The following NOX4 variants were observed in gnomAD, a reference collection of about 807,000 sequenced individuals.
NOX4 encodes NADPH oxidase 4.
A neutral mutation model predicts 87.6 loss-of-function variants in NOX4; 69 were observed. That is an observed-to-expected ratio of 0.79 (90% CI 0.65 to 0.96). The LOEUF is 0.96. NOX4 is among the 40% of genes least tolerant of loss of function. The pLI, the probability that NOX4 is intolerant of heterozygous loss-of-function variation, is 0.00. For missense variants in NOX4, 680 were observed against 681.5 expected, an observed-to-expected ratio of 1.00 and a Z score of 0.02; for synonymous variants, 275 against 238.2, an observed-to-expected ratio of 1.15 and a Z score of -1.42.
intron 8 of NOX4, among the ~76,000 whole-genome samples, chr11:89,417,209 C>A (rs1348742720): frequency 6.6e-6 from 1 of 152,134 alleles, no homozygotes; most frequent in Non-Finnish European, 1.5e-5. Flanking sequence ...GGGTTGGGCT[C>A]TTAAGCAGAG....
chr11:89,427,743 T>C (rs946525739), intron 7 of NOX4, among the ~76,000 whole-genome samples: 4 of 152,172 alleles, frequency 2.6e-5, no homozygotes, highest in African/African-American at 4.8e-5. Context: ...CTACGTCTGA[T>C]TGGCGTACCT....
At chr11:89,589,361 A>C in the NOX4 span, 1 of 152,308 alleles carries the variant, frequency 6.6e-6, no homozygotes, top group African/African-American at 2.4e-5. Context: ...GGGCTGATCC[A>C]ATGATTGTTT....
At chr11:89,462,084 G>A (rs888550760) in intron 2 of NOX4, among the ~76,000 whole-genome samples, 2 of 151,756 alleles carry the variant, frequency 1.3e-5, no homozygotes, top group Non-Finnish European at 2.9e-5. Flanking sequence ...ATAAAATGGC[G>A]ACAGATATTT....
chr11:89,438,957 A>AAT (rs1944331166), intron 6 of NOX4, among the ~76,000 whole-genome samples: 1 of 88,736 alleles, frequency 1.1e-5, no homozygotes, highest in African/African-American at 4.1e-5. Flanking sequence ...TTTTATATAT[A>AAT]ATAATATATA....
At chr11:89,348,357 G>T (rs542965405) in intron 13 of NOX4, among the ~76,000 whole-genome samples, 1 of 152,172 alleles carries the variant, frequency 6.6e-6, no homozygotes, top group South Asian at 2.1e-4. Context: ...AGAAGCTGCA[G>T]TGAGCAGAGA....
At chr11:89,332,600 G>A (rs981784463) in intron 17 of NOX4, among the ~76,000 whole-genome samples, 1 of 151,832 alleles carries the variant, frequency 6.6e-6, no homozygotes, top group Non-Finnish European at 1.5e-5. Flanking sequence ...TTCTGCTACA[G>A]CATTCATAGT....
intron 5 of NOX4, among the ~76,000 whole-genome samples, chr11:89,441,204 T>G (rs994344198): frequency 1.3e-5 from 2 of 152,226 alleles, no homozygotes; most frequent in African/African-American, 4.8e-5. Flanking sequence ...TTTCTGTGTT[T>G]CAAATATAGT....
chr11:89,373,014 T>C (rs749595310), intron 12 of NOX4, among the ~76,000 whole-genome samples: 5 of 151,870 alleles, frequency 3.3e-5, no homozygotes, highest in Admixed American at 6.6e-5. Context: ...TTGCCCTATA[T>C]ACTGGAACAC....
chr11:89,557,970 T>A, the NOX4 span, among the ~76,000 whole-genome samples: 1 of 152,012 alleles, frequency 6.6e-6, no homozygotes, highest in Non-Finnish European at 1.5e-5. Flanking sequence ...AACTGACATT[T>A]GTGACAGGGT....
chr11:89,525,074 T>A, the NOX4 span, among the ~76,000 whole-genome samples: 1 of 152,212 alleles, frequency 6.6e-6, no homozygotes, highest in African/African-American at 2.4e-5. Flanking sequence ...ATATAATGCA[T>A]GATTAAAATT....
intron 5 of NOX4, among the ~76,000 whole-genome samples, chr11:89,441,144 T>C (rs1276859258): frequency 6.6e-6 from 1 of 152,184 alleles, no homozygotes; most frequent in Non-Finnish European, 1.5e-5. Context: ...ATAAAATATG[T>C]AGGGGATTTG....
chr11:89,565,530 G>A, the NOX4 span, among the ~76,000 whole-genome samples: 1 of 151,910 alleles, frequency 6.6e-6, no homozygotes, highest in Non-Finnish European at 1.5e-5. Flanking sequence ...ATTTGAAAGG[G>A]AAATAATATT....
intron 17 of NOX4, among the ~76,000 whole-genome samples, chr11:89,329,730 T>A (rs1945391812): frequency 6.6e-6 from 1 of 152,198 alleles, no homozygotes; most frequent in East Asian, 1.9e-4. Flanking sequence ...TTCAAAGTAC[T>A]AAAATATAAA....
At position 89,444,225 on chromosome 11, in the gene NOX4, A is replaced by T; in HGVS notation, c.357T>A (p.His119Gln). Reference sequence around the variant, plus strand: ...GGGCATTCACCAGATGGGCAGCCACATGCACGCCTACAGAATTACACCAGG... The same window carrying T: ...GGGCATTCACCAGATGGGCAGCCACTTGCACGCCTACAGAATTACACCAGG... Reference protein sequence around the residue: ...GVTICIFSGVHVAAHLVNALN... With the variant: ...GVTICIFSGVQVAAHLVNALN... The change falls in exon 5 of 18, where the codon CAT becomes CAA. Residue 119 changes from histidine to glutamine, a missense_variant. By Grantham distance (24) the His-to-Gln change is conservative. Coordinates refer to ENST00000263317, the MANE Select transcript of NOX4 (RefSeq NM_016931.5). The T allele has an allele frequency of 1.2e-6, 2 of 1,613,364 alleles. No homozygotes were observed. The highest frequency in any genetic ancestry group is 1.7e-6 in the Non-Finnish European group (2 of 1,179,494).
At chr11:89,345,625 A>G (rs893045348) in intron 13 of NOX4, among the ~76,000 whole-genome samples, 1 of 152,076 alleles carries the variant, frequency 6.6e-6, no homozygotes, top group Non-Finnish European at 1.5e-5. Context: ...TATTGTTTCC[A>G]TCTTCATGTC....
At chr11:89,421,839 T>C in intron 8 of NOX4, 63 bp downstream of exon 8, 1 of 962,958 alleles carries the variant, frequency 1.0e-6, no homozygotes. Flanking sequence ...TCCTATAGAG[T>C]TTTCTTTCAT....
intron 2 of NOX4, among the ~76,000 whole-genome samples, chr11:89,472,390 A>C (rs1945984329): frequency 6.6e-6 from 1 of 152,088 alleles, no homozygotes; most frequent in African/African-American, 2.4e-5. Flanking sequence ...CTGTCTCCAA[A>C]AGAAGCTATC....
intron 12 of NOX4, among the ~76,000 whole-genome samples, chr11:89,371,750 C>T (rs1289944260): frequency 4.0e-5 from 6 of 151,664 alleles, no homozygotes; most frequent in Admixed American, 2.6e-4. Flanking sequence ...GTTCATACTC[C>T]ACCAGTGTAT....
At chr11:89,474,802 T>C (rs1167011327) in intron 2 of NOX4, among the ~76,000 whole-genome samples, 1 of 151,978 alleles carries the variant, frequency 6.6e-6, no homozygotes, top group Non-Finnish European at 1.5e-5. Context: ...TGACATTTAA[T>C]ATATTTTAAT....
Sources: allele counts gnomAD v4.1 joint callset (sites outside exome capture counted in the v4.1 genomes callset), GRCh38; gene constraint gnomAD v4.1.1; transcripts MANE v1.5; gene names NCBI Gene and HGNC (gene_info 2026-07-23, HGNC 2026-07-21).